Variants in CCDC18 observed in about 807,000 individuals in gnomAD.
The protein encoded by CCDC18 is coiled-coil domain containing 18.
In CCDC18, 157 loss-of-function variants were observed where a neutral mutation model predicts 196.0. The observed-to-expected ratio is 0.80, with a 90% CI of 0.70 to 0.91. CCDC18 has a LOEUF of 0.91. CCDC18 is among the 40% of genes least tolerant of loss of function. The pLI is 0.00. For missense variants in CCDC18, 1,465 were observed against 1,611.6 expected, an observed-to-expected ratio of 0.91 and a Z score of 1.56; for synonymous variants, 482 against 529.2, an observed-to-expected ratio of 0.91 and a Z score of 1.22.
chr1:93,256,429 ACT>A lies in CCDC18; in HGVS notation c.3441_3442del (p.His1148TyrfsTer22). The A allele has an allele frequency of 6.2e-7, 1 of 1,614,086 alleles. No individual in the cohort carries two copies. The highest frequency in any genetic ancestry group is 8.5e-7 in the Non-Finnish European group (1 of 1,179,986). On this transcript the variant is annotated frameshift_variant, in exon 25 of 29. Coordinates refer to ENST00000690025, the MANE Select transcript of CCDC18 (RefSeq NM_001378204.1). LOFTEE classifies it high-confidence loss of function. ...AGGCTGACCCGGGAGCAGGTGCAGA[ACT>A]CTCATACAGAATTGGCAGAGGCTCG...
chr1:93,236,365 G>A lies in CCDC18; in HGVS notation c.2578G>A (p.Val860Met), dbSNP rs1660072180. 3.1e-6 allele frequency: 5 copies of A among 1,593,486 alleles called. No homozygotes were observed. The East Asian group carries it at 1.2e-4, about 37-fold the overall frequency. The change falls in exon 19 of 29, where the codon GTG becomes ATG. Residue 860 changes from valine to methionine, a missense_variant. By Grantham distance (21) the Val-to-Met change is conservative (BLOSUM62 1). Coordinates refer to ENST00000690025, the MANE Select transcript of CCDC18 (RefSeq NM_001378204.1). ...AHEADLKRQK[V>M]IELTGTARQV... is the part of the protein sequence containing the mutation. Reference sequence around the variant, plus strand: ...TGAAGCAGATTTGAAAAGGCAAAAAGTGATTGAGCTTACTGGCACTGCCAG... The same window carrying A: ...TGAAGCAGATTTGAAAAGGCAAAAAATGATTGAGCTTACTGGCACTGCCAG...
intron 23 of CCDC18, among the ~76,000 whole-genome samples, chr1:93,248,114 C>G (rs1042507249): frequency 6.9e-6 from 1 of 144,116 alleles, no homozygotes; most frequent in African/African-American, 2.6e-5. Context: ...CTCCCGGGTT[C>G]AAGCAATTCT....
intron 26 of CCDC18, among the ~76,000 whole-genome samples, chr1:93,261,838 T>C (rs1663840344): frequency 1.3e-5 from 2 of 152,102 alleles, no homozygotes; most frequent in African/African-American, 4.8e-5. Context: ...TTAGTCCATT[T>C]TCCATTAGTC....
chr1:93,201,909 A>T lies in CCDC18; in HGVS notation c.716A>T (p.Asn239Ile), dbSNP rs1653901054. ...KQGKRAERQR[N>I]EALYNAEELS... Reference sequence around the variant, plus strand: ...AATTTTAGAGCTGAACGACAAAGGAATGAAGCACTATATAATGCCGAAGAG... The same window carrying T: ...AATTTTAGAGCTGAACGACAAAGGATTGAAGCACTATATAATGCCGAAGAG... The change falls in exon 7 of 29, where the codon AAT becomes ATT. Residue 239 changes from asparagine (N) to isoleucine (I), a missense_variant. Physicochemically the swap from Asn to Ile is moderately radical, Grantham distance 149. Coordinates refer to ENST00000690025, the MANE Select transcript of CCDC18 (RefSeq NM_001378204.1). The T allele has an allele frequency of 6.3e-7, 1 of 1,592,518 alleles. No homozygotes were observed. Among genetic ancestry groups the T allele is most frequent in the Non-Finnish European group, 8.5e-7 (1 of 1,171,304 alleles).
intron 27 of CCDC18, chr1:93,269,712 T>C (rs1180096461): frequency 1.3e-5 from 2 of 152,174 alleles, no homozygotes; most frequent in East Asian, 3.8e-4. Flanking sequence ...TAAAATATCA[T>C]CTCTTTTTTT....
intron 17 of CCDC18, among the ~76,000 whole-genome samples, chr1:93,228,776 A>G (rs530524547): frequency 6.6e-6 from 1 of 152,234 alleles, no homozygotes; most frequent in African/African-American, 2.4e-5. Flanking sequence ...CTTCATAATA[A>G]ATAGACTTGG....
chr1:93,194,570 A>G (rs1652390632), intron 6 of CCDC18, among the ~76,000 whole-genome samples: 2 of 152,192 alleles, frequency 1.3e-5, no homozygotes, highest in South Asian at 2.1e-4. Flanking sequence ...TTCATCTGTT[A>G]AATAAAGATG....
At position 93,210,917 on chromosome 1, in the gene CCDC18, C is replaced by T. The variant is rs779847953; in HGVS notation, c.1325C>T (p.Ser442Leu). The change falls in exon 10 of 29, where the codon TCG becomes TTG. Residue 442 changes from serine to leucine, a missense_variant. Transcript: ENST00000690025. ...GCCEANKLVISELRIKLAIKE... is the reference protein window; with the variant it reads ...GCCEANKLVILELRIKLAIKE... ...TGTGAGGCAAATAAATTGGTGATTT[C>T]GGAATTGAGGTACAATTTTCAGATT... The T allele has an allele frequency of 1.4e-5, 22 of 1,613,228 alleles. No individual in the cohort carries two copies. Among genetic ancestry groups the T allele is most frequent in the East Asian group, 8.9e-5 (4 of 44,830 alleles).
At chr1:93,188,407 T>G (rs981618075) in intron 4 of CCDC18, among the ~76,000 whole-genome samples, 1 of 152,232 alleles carries the variant, frequency 6.6e-6, no homozygotes, top group South Asian at 2.1e-4. Flanking sequence ...TACTGTTTCC[T>G]GAATTCTATT....
At chr1:93,233,900 A>T (rs1050001969) in intron 18 of CCDC18, among the ~76,000 whole-genome samples, 2 of 149,530 alleles carry the variant, frequency 1.3e-5, no homozygotes, top group African/African-American at 4.9e-5. Flanking sequence ...CCTGGCCTCT[A>T]TTTTTTTTCA....
At chr1:93,210,281 G>A (rs1318459854) in intron 9 of CCDC18, among the ~76,000 whole-genome samples, 1 of 152,152 alleles carries the variant, frequency 6.6e-6, no homozygotes, top group Non-Finnish European at 1.5e-5. Context: ...ACAGAAAGGT[G>A]CATATGCTAG....
intron 28 of CCDC18, among the ~76,000 whole-genome samples, chr1:93,276,873 T>C (rs1665651336): frequency 6.7e-6 from 1 of 149,872 alleles, no homozygotes; most frequent in Non-Finnish European, 1.5e-5. Flanking sequence ...AGACAAAGTA[T>C]AGAGAAAGAA....
chr1:93,180,295 C>T, upstream of CCDC18: 6 of 1,536,118 alleles, frequency 3.9e-6, no homozygotes, highest in Non-Finnish European at 5.2e-6. Context: ...GTTGTCTCCG[C>T]TCCGCGTTTC....
At chr1:93,254,920 G>A (rs1662729786) in intron 24 of CCDC18, among the ~76,000 whole-genome samples, 1 of 122,522 alleles carries the variant, frequency 8.2e-6, no homozygotes, top group Admixed American at 8.7e-5. Context: ...AAGCTGCTAT[G>A]TAATAGAATT....
rs1405736477 is a variant in CCDC18 at position 93,181,006 on chromosome 1, G to A, written c.-3+154G>A. ...GGTTGCTGAGCATGCTGCTCTGAAC[G>A]GTTGTATTTTATTTGATGAAAAATA... On this transcript the variant is annotated intron_variant, in intron 1 of 28. Transcript: ENST00000690025. The A allele has an allele frequency of 7.3e-6, 5 of 682,380 alleles. No individual in the cohort carries two copies. In the Admixed American group the frequency reaches 1.1e-4, roughly 15 times the overall value. 42.3% of individuals were successfully genotyped at this position (682,380 alleles called of 1,614,324 possible).
chr1:93,213,016 A>C (rs1050888299), intron 11 of CCDC18, among the ~76,000 whole-genome samples: 1 of 152,116 alleles, frequency 6.6e-6, no homozygotes, highest in Non-Finnish European at 1.5e-5. Flanking sequence ...AGCAGTCTAG[A>C]TCCTGCGCAT....
chr1:93,278,200 C>T (rs1219484851), intron 28 of CCDC18, among the ~76,000 whole-genome samples: 2 of 152,074 alleles, frequency 1.3e-5, no homozygotes, highest in African/African-American at 4.8e-5. Context: ...GTTGGCCAGG[C>T]TGGTCTCAAA....
chr1:93,270,784 T>G lies in CCDC18; in HGVS notation c.4323T>G (p.Ser1441=), dbSNP rs1570663039. The G allele has an allele frequency of 1.9e-6, 3 of 1,543,738 alleles. No individual in the cohort carries two copies. The Admixed American group carries it at 6.1e-5, about 31-fold the overall frequency. The change falls in exon 28 of 29, where the codon TCT becomes TCG. Residue 1441 remains serine (S), a synonymous_variant. Coordinates refer to ENST00000690025, the MANE Select transcript of CCDC18 (RefSeq NM_001378204.1). ...AAGAAGTAAGACTATTAAAAAAGTC[T>G]TCTATGCAAACAGGTGCTGGTTTAA... ...INKEVRLLKK[S]SMQTGAGLNQ... is the part of the protein sequence containing the mutation.
At chr1:93,184,944 T>C (rs1419421062) in intron 3 of CCDC18, among the ~76,000 whole-genome samples, 1 of 151,938 alleles carries the variant, frequency 6.6e-6, no homozygotes, top group Non-Finnish European at 1.5e-5. Flanking sequence ...TGCTGATCAT[T>C]CTTATTGTAT....
Sources: gnomAD v4.1 joint callset for allele counts (sites outside exome capture counted in the v4.1 genomes callset) on GRCh38, gnomAD v4.1.1 for gene constraint, MANE v1.5 for transcripts, NCBI Gene and HGNC (gene_info 2026-07-23, HGNC 2026-07-21) for gene names.